COL6A3: variants seen among roughly 807,000 people sequenced by gnomAD.
COL6A3 encodes collagen type VI alpha 3 chain.
A neutral mutation model predicts 274.1 loss-of-function variants in COL6A3; 137 were observed. The observed-to-expected ratio is 0.50, with a 90% CI of 0.44 to 0.58. The LOEUF (loss-of-function observed/expected upper bound fraction) is 0.58. COL6A3 is among the 20% of genes least tolerant of loss of function. The pLI, the probability that COL6A3 is intolerant of heterozygous loss-of-function variation, is 0.00. For missense variants in COL6A3, 3,950 were observed against 4,124.9 expected (o/e 0.96, Z 1.16); for synonymous variants, 1,650 against 1,650.6 (o/e 1.00, Z 0.01).
chr2:237,384,043 C>A (rs1171565035), intron 4 of COL6A3, among the ~76,000 whole-genome samples: 1 of 152,094 alleles, frequency 6.6e-6, no homozygotes. Context: ...TGCCTAGAAC[C>A]ATGCTTAGCC....
At position 237,368,263 on chromosome 2, in the gene COL6A3, ACT is replaced by A. The variant is rs1253463821; in HGVS notation, c.4900+298_4900+299del. On this transcript the variant is annotated intron_variant, in intron 10 of 43. Coordinates refer to ENST00000295550, the MANE Select transcript of COL6A3 (RefSeq NM_004369.4). This position sits in a 1 kb window ranked among gnomAD's most constrained non-coding sequence, Gnocchi z 4.4. ...CAAAGTCACATTCAGTGGGGCATGG[ACT>A]GGCTGATTTCAAAGATGCCATCCTA... Among the ~76,000 whole-genome samples the A allele has an allele frequency of 2.0e-5, 3 of 152,204 alleles. No individual in the cohort carries two copies. The highest frequency in any genetic ancestry group is 4.4e-5 in the Non-Finnish European group (3 of 68,040).
Position 237,367,250 on chromosome 2 carries a change from C to G in COL6A3, c.4937G>C (p.Gly1646Ala), listed in dbSNP as rs761660521. 6.2e-7 allele frequency: 1 copy of G among 1,613,668 alleles called. No individual in the cohort carries two copies. The highest frequency in any genetic ancestry group is 8.5e-7 in the Non-Finnish European group (1 of 1,179,804). ...ACTGTCCCTCCTGAAGTTGATGGAA[C>G]CATCCAACAGGAACACAATGTCTGC... ...KKADIVFLLD[G>A]SINFRRDSFQ... The change falls in exon 11 of 44, where the codon GGT becomes GCT. Residue 1646 changes from glycine (G) to alanine (A), a missense_variant. Transcript: ENST00000295550.
intron 6 of COL6A3, among the ~76,000 whole-genome samples, chr2:237,377,924 A>G (rs879597232): frequency 6.6e-6 from 1 of 152,228 alleles, no homozygotes; most frequent in Admixed American, 6.5e-5. Flanking sequence ...AATCTGTTGT[A>G]ATGAGACAAT....
intron 23 of COL6A3, among the ~76,000 whole-genome samples, chr2:237,356,027 C>T (rs2106337811): frequency 6.6e-6 from 1 of 152,338 alleles, no homozygotes; most frequent in East Asian, 1.9e-4. Context: ...TCAGCTTGGC[C>T]TGAGCCTGGC....
At chr2:237,342,950 G>C (rs995593382) in intron 36 of COL6A3, 12 of 152,276 alleles carry the variant, frequency 7.9e-5, no homozygotes, top group African/African-American at 2.9e-4. Flanking sequence ...GACACAGGCT[G>C]TGGTAAAAGC....
At chr2:237,346,703 C>T in intron 31 of COL6A3, 138 bp from the exon 32 acceptor site, 1 of 755,042 alleles carries the variant, frequency 1.3e-6, no homozygotes, top group Non-Finnish European at 2.3e-6. Context: ...TTTAAGGGAG[C>T]TAAAATGTCT....
intron 42 of COL6A3, 105 bp downstream of exon 42, chr2:237,333,345 T>C (rs764580031): frequency 3.5e-5 from 36 of 1,027,292 alleles, no homozygotes; most frequent in East Asian, 9.8e-5. Flanking sequence ...TTTTCCCCCA[T>C]AGAAGTCATG....
chr2:237,405,302 C>T (rs888191925), intron 1 of COL6A3, among the ~76,000 whole-genome samples: 11 of 152,084 alleles, frequency 7.2e-5, no homozygotes, highest in African/African-American at 1.9e-4. Context: ...CTGATATTTT[C>T]GTTTGCAATT....
chr2:237,348,695 C>G, intron 28 of COL6A3, 32 bp from the exon 29 acceptor site: 1 of 1,609,262 alleles, frequency 6.2e-7, no homozygotes. Flanking sequence ...GACTGTAGGT[C>G]GCCATGCCTG....
intron 38 of COL6A3, 61 bp from the exon 39 acceptor site, chr2:237,339,178 T>A: frequency 2.5e-6 from 3 of 1,213,144 alleles, no homozygotes; most frequent in Non-Finnish European, 3.6e-6. Flanking sequence ...AAATTAAAAT[T>A]AATCTGTCAA....
At chr2:237,333,825 T>C (rs555030686) in intron 41 of COL6A3, among the ~76,000 whole-genome samples, 2 of 152,266 alleles carry the variant, frequency 1.3e-5, no homozygotes, top group East Asian at 3.9e-4. Flanking sequence ...TCCAGGAAAA[T>C]AGAGCCCTAG....
intron 28 of COL6A3, among the ~76,000 whole-genome samples, chr2:237,349,901 T>C (rs918862206): frequency 3.9e-5 from 6 of 152,176 alleles, no homozygotes; most frequent in Admixed American, 1.3e-4. Context: ...TACATTCTCT[T>C]GTATCAGGAA....
intron 42 of COL6A3, among the ~76,000 whole-genome samples, chr2:237,332,507 G>GGTC (rs1183261215): frequency 6.6e-6 from 1 of 151,968 alleles, no homozygotes; most frequent in Non-Finnish European, 1.5e-5. Context: ...ACCATGGTGG[G>GGTC]GTCGCCTAAC....
At chr2:237,410,791 T>C (rs537259151) in intron 1 of COL6A3, among the ~76,000 whole-genome samples, 1 of 152,246 alleles carries the variant, frequency 6.6e-6, no homozygotes, top group Admixed American at 6.5e-5. Flanking sequence ...ATGTTTTATT[T>C]AAAGAATAGG....
At chr2:237,397,973 C>T (rs2078493696) in intron 1 of COL6A3, among the ~76,000 whole-genome samples, 1 of 152,192 alleles carries the variant, frequency 6.6e-6, no homozygotes, top group South Asian at 2.1e-4. Context: ...AGTAAAAGCA[C>T]TCATAGGCAC....
At position 237,325,550 on chromosome 2, in the gene COL6A3, A is replaced by G. The variant is rs1246185114; in HGVS notation, c.9493+10T>C. 1.2e-6 allele frequency: 2 copies of G among 1,614,168 alleles called. No individual in the cohort carries two copies. Among genetic ancestry groups the G allele is most frequent in the Non-Finnish European group, 1.7e-6 (2 of 1,180,024 alleles). On this transcript the variant is annotated intron_variant, in intron 43 of 43. Transcript: ENST00000295550. Reference sequence around the variant, plus strand: ...TGCAGAAGCCATAAACACAAGGAAGAATCACTTACCAGGAGCGCAAACCTT... The same window carrying G: ...TGCAGAAGCCATAAACACAAGGAAGGATCACTTACCAGGAGCGCAAACCTT...
Position 237,361,340 on chromosome 2 carries a change from C to G in COL6A3, c.6157-166G>C, listed in dbSNP as rs1230933814. Among the ~76,000 whole-genome samples, 3 of 152,214 alleles carry G rather than the reference C, an allele frequency of 2.0e-5. No homozygotes were observed. The highest frequency in any genetic ancestry group is 4.1e-4 in the South Asian group (2 of 4,828). On this transcript the variant is annotated intron_variant, in intron 15 of 43. Coordinates refer to ENST00000295550, the MANE Select transcript of COL6A3 (RefSeq NM_004369.4). This position sits in a 1 kb window ranked among gnomAD's most constrained non-coding sequence, Gnocchi z 5.1. ...TACACCATGTCACGATTCTCTCTAT[C>G]AGGATCTCTAAGGCTCCTGCTCTGC...
intron 1 of COL6A3, among the ~76,000 whole-genome samples, chr2:237,406,287 TAAGA>T (rs1199684486): frequency 6.6e-6 from 1 of 152,176 alleles, no homozygotes; most frequent in African/African-American, 2.4e-5. Flanking sequence ...AAATCTTTTT[TAAGA>T]AAGAGACACA....
intron 24 of COL6A3, among the ~76,000 whole-genome samples, 199 bp from the exon 25 acceptor site, chr2:237,353,602 A>T (rs1490540543): frequency 6.6e-6 from 1 of 152,174 alleles, no homozygotes; most frequent in African/African-American, 2.4e-5. Context: ...CTGCACTTCT[A>T]CAATTGTTCC....
Sources: gnomAD v4.1 joint callset for allele counts (sites outside exome capture counted in the v4.1 genomes callset) on GRCh38, gnomAD v4.1.1 for gene constraint, Gnocchi (gnomAD v3.1) non-coding constraint, MANE v1.5 for transcripts, NCBI Gene and HGNC (gene_info 2026-07-23, HGNC 2026-07-21) for gene names.